Variants in UPF2 observed in about 807,000 individuals in gnomAD.
The protein encoded by UPF2 is UPF2 regulator of nonsense mediated mRNA decay.
In UPF2, 17 loss-of-function variants were observed where a neutral mutation model predicts 141.4. The ratio of observed to expected loss-of-function variants is 0.12; its 90% confidence interval spans 0.08 to 0.18. The LOEUF is 0.18. Among genes scored for constraint, UPF2 ranks in the 10% least tolerant of loss-of-function variants. The pLI, the probability that UPF2 is intolerant of heterozygous loss-of-function variation, is 1.00. For synonymous variants in UPF2, 540 were observed against 498.0 expected (o/e 1.08, Z -1.12); for missense variants, 1,152 against 1,515.9 (o/e 0.76, Z 3.99).
In UPF2 at chr10:12,035,412, C is replaced by A; in HGVS notation, c.12G>T (p.Glu4Asp). 1 of 1,579,990 alleles carries A rather than the reference C, an allele frequency of 6.3e-7. No homozygotes were observed. Among genetic ancestry groups the A allele is most frequent in the Non-Finnish European group, 8.6e-7 (1 of 1,168,394 alleles). MPA[E>D]RKKPASMEEK... ...CTTCCATACTTGCTGGCTTTTTACGCTCAGCTGGCATTATGTGACCCAGGA... is the reference window on the plus strand; with the variant it reads ...CTTCCATACTTGCTGGCTTTTTACGATCAGCTGGCATTATGTGACCCAGGA... Residue 4 changes from glutamate to aspartate, a missense_variant, in exon 2 of 22, where the codon GAG becomes GAT. By Grantham distance (45) the Glu-to-Asp change is conservative. Transcript: ENST00000357604.
chr10:11,931,833 A>G lies in UPF2; in HGVS notation c.3547-51T>C. 1 of 1,554,164 alleles carries G rather than the reference A, an allele frequency of 6.4e-7. No individual in the cohort carries two copies. The highest frequency in any genetic ancestry group is 8.7e-7 in the Non-Finnish European group (1 of 1,154,208). On this transcript the variant is annotated intron_variant, in intron 19 of 21. Coordinates refer to ENST00000357604, the MANE Select transcript of UPF2 (RefSeq NM_015542.4). This position sits in a 1 kb window ranked among gnomAD's most constrained non-coding sequence, Gnocchi z 5.9. ...CAAATAGTTTGAGAACACTGAGAGAAAGAAAAAACAGACTTCAAATAAAAT... is the reference window on the plus strand; with the variant it reads ...CAAATAGTTTGAGAACACTGAGAGAGAGAAAAAACAGACTTCAAATAAAAT...
At chr10:11,955,699 G>A (rs1359307582) in intron 13 of UPF2, among the ~76,000 whole-genome samples, 192 bp from the exon 14 acceptor site, 1 of 152,160 alleles carries the variant, frequency 6.6e-6, no homozygotes, top group Non-Finnish European at 1.5e-5. Context: ...TATCTTTAAA[G>A]TGTTTTCATA....
chr10:12,042,810 G>C (rs1040194000), upstream of UPF2: 3 of 151,876 alleles, frequency 2.0e-5, no homozygotes, highest in South Asian at 4.2e-4. This position sits in a 1 kb window ranked among gnomAD's most constrained non-coding sequence, Gnocchi z 5.5. Flanking sequence ...TCCAGCGCTC[G>C]GGCTCTCCCC....
At chr10:11,975,812 C>T (rs868520238) in intron 9 of UPF2, among the ~76,000 whole-genome samples, 9 of 152,172 alleles carry the variant, frequency 5.9e-5, no homozygotes, top group African/African-American at 2.2e-4. Flanking sequence ...CCACCGCGCC[C>T]GGCCCTAAAA....
intron 11 of UPF2, among the ~76,000 whole-genome samples, chr10:11,963,459 T>C (rs1373447791): frequency 6.6e-6 from 1 of 152,130 alleles, no homozygotes; most frequent in Non-Finnish European, 1.5e-5. Context: ...ACCTCAGCCT[T>C]CTGAGTAGTT....
At position 12,028,744 on chromosome 10, in the gene UPF2, C is replaced by A; in HGVS notation, c.1145+1G>T. 6.4e-7 allele frequency: 1 copy of A among 1,563,786 alleles called. No homozygotes were observed. On this transcript the variant is annotated splice_donor_variant, in intron 3 of 21. Coordinates refer to ENST00000357604, the MANE Select transcript of UPF2 (RefSeq NM_015542.4). LOFTEE classifies it high-confidence loss of function. ...AACTCTGAGAAACATTTGAAAATCA[C>A]CTGTTTTGTCTCTCAGTATTCTGGA...
intron 3 of UPF2, among the ~76,000 whole-genome samples, chr10:12,022,418 AAAAAAAG>A (rs200214174): frequency 0.37 from 54,047 of 147,646 alleles, 11,380 homozygotes; most frequent in Non-Finnish European, 0.49. Flanking sequence ...CTCAAAAAAA[AAAAAAAG>A]AAAAAAATTA....
At chr10:12,020,412 C>T (rs1297451562) in intron 3 of UPF2, among the ~76,000 whole-genome samples, 3 of 152,002 alleles carry the variant, frequency 2.0e-5, no homozygotes, top group East Asian at 1.9e-4. Context: ...CCACTACGCC[C>T]GGCTAATTTT....
At chr10:12,020,340 C>T (rs1834296164) in intron 3 of UPF2, among the ~76,000 whole-genome samples, 1 of 151,880 alleles carries the variant, frequency 6.6e-6, no homozygotes, top group African/African-American at 2.4e-5. Context: ...CAACCTCTGC[C>T]TCCCGGGTTC....
intron 21 of UPF2, among the ~76,000 whole-genome samples, chr10:11,924,746 C>A (rs1489060832): frequency 3.3e-5 from 5 of 152,126 alleles, no homozygotes; most frequent in African/African-American, 1.2e-4. Flanking sequence ...TGAGCCACTG[C>A]TCCTAGACCT....
chr10:11,969,178 CT>C (rs1324561506), intron 9 of UPF2, among the ~76,000 whole-genome samples: 1 of 149,434 alleles, frequency 6.7e-6, no homozygotes, highest in Non-Finnish European at 1.5e-5. Context: ...TTTTTTTTTT[CT>C]TTTTTTGAGA....
At chr10:12,012,738 G>A (rs1167395731) in intron 4 of UPF2, among the ~76,000 whole-genome samples, 1 of 151,042 alleles carries the variant, frequency 6.6e-6, no homozygotes, top group Non-Finnish European at 1.5e-5. Flanking sequence ...GGCGGAGCTT[G>A]CAGTGAGCAG....
chr10:12,023,526 A>T (rs1278267455), intron 3 of UPF2, among the ~76,000 whole-genome samples: 1 of 150,946 alleles, frequency 6.6e-6, no homozygotes, highest in Non-Finnish European at 1.5e-5. Flanking sequence ...AAAAAAAAAA[A>T]ATAGAGAATT....
intron 5 of UPF2, among the ~76,000 whole-genome samples, chr10:12,002,962 A>C (rs1230666791): frequency 6.6e-6 from 1 of 152,164 alleles, no homozygotes; most frequent in Non-Finnish European, 1.5e-5. Context: ...TAATCTCCTA[A>C]TTTATGCATT....
chr10:11,981,620 T>C (rs1833595285), intron 8 of UPF2, among the ~76,000 whole-genome samples: 1 of 152,312 alleles, frequency 6.6e-6, no homozygotes, highest in East Asian at 1.9e-4. Flanking sequence ...ACATGGAAAA[T>C]GCACATAAGT....
chr10:11,958,424 G>T (rs1475878165), intron 12 of UPF2, among the ~76,000 whole-genome samples: 1 of 152,108 alleles, frequency 6.6e-6, no homozygotes, highest in African/African-American at 2.4e-5. Context: ...GCTGGTATGA[G>T]AACTCGTTTA....
chr10:11,963,975 C>A, intron 11 of UPF2, 34 bp downstream of exon 11: 1 of 1,495,354 alleles, frequency 6.7e-7, no homozygotes, highest in Non-Finnish European at 9.3e-7. Flanking sequence ...AAATCAAGAA[C>A]CTCTAGCTCT....
intron 11 of UPF2, among the ~76,000 whole-genome samples, chr10:11,960,509 A>G (rs1329578805): frequency 6.6e-6 from 1 of 152,170 alleles, no homozygotes; most frequent in African/African-American, 2.4e-5. Flanking sequence ...TCGAGGCTAC[A>G]GTAAGCTTTG....
In UPF2 at chr10:11,921,947, C is replaced by G. The variant is rs1394626698; in HGVS notation, c.3810-640G>C. ...TATTTGGAAACAAGGTTGCTGTAGA[C>G]GTAATTACTTCAGATAAGGCCATAC... On this transcript the variant is annotated intron_variant, in intron 21 of 21. Coordinates refer to ENST00000357604, the MANE Select transcript of UPF2 (RefSeq NM_015542.4). The surrounding 1 kb of genome is among the most constrained non-coding windows in gnomAD (Gnocchi z 5.9). Among the ~76,000 whole-genome samples, 1 of 152,156 alleles carries G rather than the reference C, an allele frequency of 6.6e-6. No homozygotes were observed. The highest frequency in any genetic ancestry group is 2.4e-5 in the African/African-American group (1 of 41,438).
Sources: allele counts gnomAD v4.1 joint callset (sites outside exome capture counted in the v4.1 genomes callset), GRCh38; gene constraint gnomAD v4.1.1; non-coding constraint Gnocchi (gnomAD v3.1); transcripts MANE v1.5; gene names NCBI Gene and HGNC (gene_info 2026-07-23, HGNC 2026-07-21).